Variants in PGGT1B observed in about 807,000 individuals in gnomAD.
PGGT1B encodes geranylgeranyl transferase type-1 subunit beta.
Under a neutral mutation model 46.1 loss-of-function variants are expected in PGGT1B, and 30 were observed. The observed-to-expected ratio is 0.65, with a 90% CI of 0.49 to 0.88. The LOEUF (loss-of-function observed/expected upper bound fraction) is 0.88. Ranked by LOEUF, PGGT1B falls within the 40% of genes least tolerant of loss-of-function variation. The pLI is 0.00. For synonymous variants in PGGT1B, 170 were observed against 160.0 expected (o/e 1.06, Z -0.47); for missense variants, 376 against 455.9 (o/e 0.82, Z 1.60).
At chr5:115,222,143 A>T (rs1756607022) in intron 6 of PGGT1B, 135 bp from the exon 7 acceptor site, 1 of 491,150 alleles carries the variant, frequency 2.0e-6, no homozygotes, top group Non-Finnish European at 3.5e-6. Flanking sequence ...AAAAGATGAG[A>T]TTTTAAAATA....
At chr5:115,259,206 C>G (rs1482157645) in intron 1 of PGGT1B, among the ~76,000 whole-genome samples, 1 of 152,182 alleles carries the variant, frequency 6.6e-6, no homozygotes, top group African/African-American at 2.4e-5. Context: ...GGCAAACAGT[C>G]TCTAACTTTA....
At chr5:115,229,000 TA>T (rs1045106172) in intron 6 of PGGT1B, among the ~76,000 whole-genome samples, 2 of 151,844 alleles carry the variant, frequency 1.3e-5, no homozygotes, top group African/African-American at 4.8e-5. Context: ...ACAGTAACAA[TA>T]AAAAAGAAAA....
chr5:115,223,790 AAAC>A (rs1419726706), intron 6 of PGGT1B, among the ~76,000 whole-genome samples: 8 of 152,232 alleles, frequency 5.3e-5, no homozygotes, highest in African/African-American at 1.7e-4. Context: ...ATAAGAAAAC[AAAC>A]AACACTTTTT....
At chr5:115,245,738 G>A (rs928556741) in intron 2 of PGGT1B, among the ~76,000 whole-genome samples, 1 of 151,734 alleles carries the variant, frequency 6.6e-6, no homozygotes, top group Non-Finnish European at 1.5e-5. Context: ...TTTTTTTCCA[G>A]AAAGACTGTA....
rs111801859 is a variant in PGGT1B at position 115,261,658 on chromosome 5, T to C, written c.140+1054A>G. On this transcript the variant is annotated intron_variant, in intron 1 of 8. Coordinates refer to ENST00000419445, the MANE Select transcript of PGGT1B (RefSeq NM_005023.4). ...GAAAATGTTACCTTTGTGAAGTTTA[T>C]AATCCAGTGTAATAGAAAGACATTA... is the stretch of plus-strand genomic sequence containing the variant. 1.5e-3 allele frequency among the ~76,000 whole-genome samples: 226 copies of C among 152,340 alleles called. 1 individual carries two copies. The highest frequency in any genetic ancestry group is 3.4e-3 in the Middle Eastern group (1 of 294).
At chr5:115,251,500 G>T (rs969375926) in intron 2 of PGGT1B, among the ~76,000 whole-genome samples, 3 of 151,988 alleles carry the variant, frequency 2.0e-5, no homozygotes, top group Non-Finnish European at 2.9e-5. Context: ...CTCAATTACG[G>T]AGCCACCAAA....
chr5:115,236,860 A>G (rs2127010801), intron 4 of PGGT1B, among the ~76,000 whole-genome samples: 1 of 152,272 alleles, frequency 6.6e-6, no homozygotes, highest in East Asian at 1.9e-4. Context: ...AGAATGGCAG[A>G]AAAAGTAAAA....
At chr5:115,242,000 C>T (rs1336518957) in intron 2 of PGGT1B, among the ~76,000 whole-genome samples, 1 of 152,172 alleles carries the variant, frequency 6.6e-6, no homozygotes, top group Admixed American at 6.5e-5. Flanking sequence ...ACAATAGGGT[C>T]TACTGTCTTT....
Position 115,261,844 on chromosome 5 carries a change from A to T in PGGT1B, c.140+868T>A, listed in dbSNP as rs1748568005. 3.3e-5 allele frequency among the ~76,000 whole-genome samples: 5 copies of T among 152,326 alleles called. No homozygotes were observed. The South Asian group carries it at 1.0e-3, about 32-fold the overall frequency. On this transcript the variant is annotated intron_variant, in intron 1 of 8. Coordinates refer to ENST00000419445, the MANE Select transcript of PGGT1B (RefSeq NM_005023.4). ...ACTAACATATAGCACAGAACTCTAT[A>T]CAAATGCTTGTCTTGTTCAGCTGTA...
chr5:115,240,036 A>T (rs1228195875), intron 3 of PGGT1B, among the ~76,000 whole-genome samples: 2 of 152,222 alleles, frequency 1.3e-5, no homozygotes, highest in Non-Finnish European at 2.9e-5. Context: ...TCTTGGCCTA[A>T]TCTGTCTCCT....
chr5:115,209,330 AGACC>A lies in PGGT1B; in HGVS notation c.*3068_*3071del. 1 of 152,240 alleles carries A rather than the reference AGACC, an allele frequency of 6.6e-6. No individual in the cohort carries two copies. The highest frequency in any genetic ancestry group is 6.6e-5 in the Admixed American group (1 of 15,264). 9.4% of individuals were successfully genotyped at this position (152,240 alleles called of 1,614,324 possible). On this transcript the variant is annotated 3_prime_UTR_variant, in exon 9 of 9. Coordinates refer to ENST00000419445, the MANE Select transcript of PGGT1B (RefSeq NM_005023.4). The stretch of plus-strand genomic sequence containing the variant: ...CCCAGACAGCTCTAATGCAATCAGC[AGACC>A]TTATCATATTGCTTTAACATTCATC...
intron 2 of PGGT1B, among the ~76,000 whole-genome samples, chr5:115,242,216 TA>T (rs1348503260): frequency 6.6e-6 from 1 of 152,204 alleles, no homozygotes; most frequent in African/African-American, 2.4e-5. Flanking sequence ...TCAATCAAAA[TA>T]TGTTTATCCA....
chr5:115,251,081 C>T (rs561332558), intron 2 of PGGT1B, among the ~76,000 whole-genome samples: 16 of 152,212 alleles, frequency 1.1e-4, no homozygotes, highest in African/African-American at 3.4e-4. Context: ...CATGCTAGAA[C>T]ATATCTTTTG....
rs766587330 is a variant in PGGT1B at position 115,253,216 on chromosome 5, C to A, written c.180G>T (p.Met60Ile). 8.1e-6 allele frequency: 13 copies of A among 1,600,088 alleles called. No homozygotes were observed. The highest frequency in any genetic ancestry group is 1.1e-5 in the Non-Finnish European group (13 of 1,174,428). The change falls in exon 2 of 9, where the codon ATG (methionine) becomes ATT (isoleucine). Residue 60 changes from methionine (M) to isoleucine (I), a missense_variant. By Grantham distance (10) the Met-to-Ile change is conservative (BLOSUM62 1). This residue lies in a region of PGGT1B where 154 missense variants were observed against 142.3 expected (regional missense o/e 1.08). Coordinates refer to ENST00000419445, the MANE Select transcript of PGGT1B (RefSeq NM_005023.4). The stretch of plus-strand genomic sequence containing the variant: ...TGTTCACCACATCTAAGGAATCCAA[C>A]ATATCCAGCCCGGAGAGTGCAAAAA... Reference protein sequence around the residue: ...IAFFALSGLDMLDSLDVVNKD... With the variant: ...IAFFALSGLDILDSLDVVNKD...
intron 2 of PGGT1B, among the ~76,000 whole-genome samples, chr5:115,252,602 A>T (rs1748151827): frequency 6.6e-6 from 1 of 152,066 alleles, no homozygotes; most frequent in Non-Finnish European, 1.5e-5. Context: ...TTGATTACGT[A>T]ATTTATGAAC....
intron 2 of PGGT1B, among the ~76,000 whole-genome samples, chr5:115,250,942 T>C (rs781346725): frequency 2.0e-5 from 3 of 152,212 alleles, no homozygotes; most frequent in Non-Finnish European, 2.9e-5. Context: ...AGTTGTAGAC[T>C]GTTCATTCCC....
At position 115,208,775 on chromosome 5, in the gene PGGT1B, T is replaced by C. The variant is rs1580736498; in HGVS notation, c.*3627A>G. The C allele has an allele frequency of 6.6e-6, 1 of 152,116 alleles. No homozygotes were observed. The highest frequency in any genetic ancestry group is 1.9e-4 in the East Asian group (1 of 5,194). 9.4% of individuals were successfully genotyped at this position (152,116 alleles called of 1,614,324 possible). A position where few individuals can be genotyped will look rare whatever the true frequency, so the allele number is the denominator to read the frequency against. On this transcript the variant is annotated 3_prime_UTR_variant, in exon 9 of 9. Coordinates refer to ENST00000419445, the MANE Select transcript of PGGT1B (RefSeq NM_005023.4). ...TATTTTGCTTTTTACTCCAAGTGTT[T>C]GGTACTTGGTTAATTTTCCCCTTTT...
chr5:115,256,775 T>C (rs1748333786), intron 1 of PGGT1B, among the ~76,000 whole-genome samples: 1 of 152,084 alleles, frequency 6.6e-6, no homozygotes, highest in South Asian at 2.1e-4. Flanking sequence ...AGAGAAATAG[T>C]ATAATGTAGG....
intron 1 of PGGT1B, among the ~76,000 whole-genome samples, chr5:115,254,509 C>T (rs553030047): frequency 1.3e-5 from 2 of 151,896 alleles, no homozygotes; most frequent in East Asian, 1.9e-4. Context: ...GTGCTCAAAC[C>T]GTTTCTGATT....
Sources: gnomAD v4.1 joint callset for allele counts (sites outside exome capture counted in the v4.1 genomes callset) on GRCh38, gnomAD v4.1.1 for gene constraint, gnomAD v4.1.1 regional missense constraint, MANE v1.5 for transcripts, NCBI Gene and HGNC (gene_info 2026-07-23, HGNC 2026-07-21) for gene names.